The following SDK1 variants were observed in gnomAD, a reference collection of about 807,000 sequenced individuals.
The protein encoded by SDK1 is sidekick cell adhesion molecule 1.
SDK1 carries 157 observed loss-of-function variants against 245.5 expected under a neutral mutation model. The observed-to-expected ratio is 0.64, with a 90% CI of 0.56 to 0.73. The LOEUF (loss-of-function observed/expected upper bound fraction) is 0.73, where lower values mean the gene tolerates loss of function less well. Among genes scored for constraint, SDK1 ranks in the 30% least tolerant of loss-of-function variants. The probability of loss-of-function intolerance (pLI) is 0.00; values close to 1 mark genes in which losing one functional copy is unlikely to be tolerated. For synonymous variants in SDK1, 1,647 were observed against 1,278.5 expected (o/e 1.29, Z -6.15); for missense variants, 3,583 against 3,002.3 (o/e 1.19, Z -4.52).
intron 30 of SDK1, among the ~76,000 whole-genome samples, chr7:4,151,954 C>T (rs1204433302): frequency 6.6e-6 from 1 of 152,208 alleles, no homozygotes; most frequent in East Asian, 1.9e-4. Flanking sequence ...GGGTCTGCGA[C>T]GTATGAAAAC....
intron 1 of SDK1, among the ~76,000 whole-genome samples, chr7:3,457,642 C>G (rs1262768512): frequency 6.6e-6 from 1 of 152,156 alleles, no homozygotes; most frequent in Non-Finnish European, 1.5e-5. Flanking sequence ...CTTAATATGG[C>G]CAAACTTGTT....
At chr7:3,373,785 G>A (rs1485680887) in intron 1 of SDK1, among the ~76,000 whole-genome samples, 1 of 152,094 alleles carries the variant, frequency 6.6e-6, no homozygotes, top group Non-Finnish European at 1.5e-5. Flanking sequence ...TAATAAAAGT[G>A]CTTGTTCACA....
chr7:3,369,576 C>T (rs1781173096), intron 1 of SDK1, among the ~76,000 whole-genome samples: 1 of 152,180 alleles, frequency 6.6e-6, no homozygotes, highest in East Asian at 1.9e-4. Flanking sequence ...CTGAAATCAA[C>T]ATTTGTTCTT....
chr7:3,301,669 C>T lies in SDK1; in HGVS notation c.83C>T (p.Pro28Leu), dbSNP rs1420215943. The change falls in exon 1 of 45, where the codon CCG (proline) becomes CTG (leucine). Residue 28 changes from proline to leucine, a missense_variant. Pro to Leu is a moderately conservative substitution (Grantham distance 98). Transcript: ENST00000404826. ...EPPERAGPGR[P>L]RGSPPGRARP... is the part of the protein sequence containing the mutation. ...CCTGAGCGCGCGGGCCCCGGGCGGCCGCGGGGATCCCCGCCCGGCCGCGCC... is the reference window on the plus strand; with the variant it reads ...CCTGAGCGCGCGGGCCCCGGGCGGCTGCGGGGATCCCCGCCCGGCCGCGCC... The T allele has an allele frequency of 2.1e-6, 2 of 974,310 alleles. No homozygotes were observed. The highest frequency in any genetic ancestry group is 2.4e-6 in the Non-Finnish European group (2 of 824,392). The allele number at this position is 974,310 out of a possible 1,614,324, so 60.4% of individuals were successfully genotyped here. A position where few individuals can be genotyped will look rare whatever the true frequency, so the allele number is the denominator to read the frequency against.
chr7:3,475,363 G>A (rs1781321272), intron 1 of SDK1, among the ~76,000 whole-genome samples: 1 of 152,122 alleles, frequency 6.6e-6, no homozygotes, highest in Non-Finnish European at 1.5e-5. Flanking sequence ...CTGGTTCATA[G>A]CAGCTCATTC....
chr7:4,084,920 G>T (rs1280837022), intron 22 of SDK1, among the ~76,000 whole-genome samples: 3 of 151,804 alleles, frequency 2.0e-5, no homozygotes, highest in East Asian at 1.9e-4. Flanking sequence ...CCGCCACCAC[G>T]CCCAGCTAAT....
intron 4 of SDK1, among the ~76,000 whole-genome samples, chr7:3,770,054 A>T (rs967025277): frequency 6.6e-6 from 1 of 151,770 alleles, no homozygotes; most frequent in African/African-American, 2.4e-5. Context: ...GTTACTGGTT[A>T]TGAGGAGTGA....
chr7:4,006,244 G>T (rs757566014), intron 14 of SDK1, among the ~76,000 whole-genome samples: 8 of 152,138 alleles, frequency 5.3e-5, no homozygotes, highest in Non-Finnish European at 1.2e-4. Context: ...TTCATTCCTC[G>T]TGATTCTCGG....
At chr7:3,466,841 T>A (rs1442246792) in intron 1 of SDK1, among the ~76,000 whole-genome samples, 1 of 151,950 alleles carries the variant, frequency 6.6e-6, no homozygotes, top group Non-Finnish European at 1.5e-5. Flanking sequence ...TTTTACCAAT[T>A]ATTTACTGTG....
At chr7:4,159,270 T>C (rs759342631) in intron 31 of SDK1, among the ~76,000 whole-genome samples, 39 of 152,246 alleles carry the variant, frequency 2.6e-4, no homozygotes, top group Non-Finnish European at 4.7e-4. Context: ...TGGCTCACCC[T>C]GTGACCTCAC....
intron 5 of SDK1, among the ~76,000 whole-genome samples, chr7:3,917,480 G>T (rs558005441): frequency 6.6e-6 from 1 of 152,156 alleles, no homozygotes; most frequent in Admixed American, 6.5e-5. Context: ...GAACTCACAG[G>T]TGAGCCCCTC....
chr7:3,945,177 A>G (rs1024075083), intron 5 of SDK1, among the ~76,000 whole-genome samples: 6 of 152,212 alleles, frequency 3.9e-5, no homozygotes, highest in Admixed American at 6.5e-5. Flanking sequence ...TACTTAAGCT[A>G]GATTAAAAAG....
At chr7:3,486,427 A>G (rs1280321001) in intron 1 of SDK1, among the ~76,000 whole-genome samples, 1 of 151,868 alleles carries the variant, frequency 6.6e-6, no homozygotes, top group Non-Finnish European at 1.5e-5. Context: ...TTTTATGTCT[A>G]ATAATTTATT....
chr7:4,029,956 G>A (rs1787666579), intron 17 of SDK1, among the ~76,000 whole-genome samples: 1 of 152,208 alleles, frequency 6.6e-6, no homozygotes, highest in Non-Finnish European at 1.5e-5. Context: ...AGCAGGATGG[G>A]GAGACGTGAC....
At chr7:4,077,375 C>G (rs1312560072) in intron 21 of SDK1, among the ~76,000 whole-genome samples, 186 bp downstream of exon 21, 2 of 152,246 alleles carry the variant, frequency 1.3e-5, no homozygotes, top group South Asian at 2.1e-4. Context: ...CCAGAGCATT[C>G]CACCACGGCC....
chr7:3,940,133 G>A (rs543165345), intron 5 of SDK1, among the ~76,000 whole-genome samples: 4 of 150,956 alleles, frequency 2.6e-5, no homozygotes, highest in Admixed American at 6.6e-5. Flanking sequence ...GAGGATGGCC[G>A]GAGCCACCCT....
At chr7:3,721,771 C>T (rs1184436125) in intron 4 of SDK1, among the ~76,000 whole-genome samples, 1 of 152,118 alleles carries the variant, frequency 6.6e-6, no homozygotes, top group Non-Finnish European at 1.5e-5. Context: ...GAAAAGAGAA[C>T]CCAGAGCTGA....
intron 1 of SDK1, among the ~76,000 whole-genome samples, chr7:3,535,681 T>C (rs539183897): frequency 1.4e-4 from 22 of 152,332 alleles, no homozygotes; most frequent in African/African-American, 5.3e-4. Flanking sequence ...CTTTTTCAGT[T>C]AGTAATCAGA....
chr7:4,040,157 T>G (rs895094439), intron 17 of SDK1, among the ~76,000 whole-genome samples: 12 of 152,168 alleles, frequency 7.9e-5, no homozygotes, highest in Admixed American at 6.5e-4. Flanking sequence ...TTTATAAGCA[T>G]AGGGTAATGA....
Sources: allele counts gnomAD v4.1 joint callset (sites outside exome capture counted in the v4.1 genomes callset), GRCh38; gene constraint gnomAD v4.1.1; transcripts MANE v1.5; gene names NCBI Gene and HGNC (gene_info 2026-07-23, HGNC 2026-07-21).